EDAR: variants seen among roughly 807,000 people sequenced by gnomAD.
EDAR encodes tumor necrosis factor receptor superfamily member EDAR.
Under a neutral mutation model 51.3 loss-of-function variants are expected in EDAR, and 38 were observed. The observed-to-expected ratio is 0.74, with a 90% CI of 0.57 to 0.97. The LOEUF is 0.97. Among genes scored for constraint, EDAR ranks in the 50% least tolerant of loss-of-function variants. The pLI, the probability that EDAR is intolerant of heterozygous loss-of-function variation, is 0.00. For synonymous variants in EDAR, 227 were observed against 242.1 expected (o/e 0.94, Z 0.58); for missense variants, 528 against 595.0 (o/e 0.89, Z 1.17).
At position 108,896,916 on chromosome 2, in the gene EDAR, A is replaced by G. The variant is rs192939679; in HGVS notation, c.1338T>C (p.Ala446=). The change falls in exon 12 of 12, where the codon GCT becomes GCC. Residue 446 remains alanine (A), a synonymous_variant. Coordinates refer to ENST00000258443, the MANE Select transcript of EDAR (RefSeq NM_022336.4). The part of the protein sequence containing the change: ...GVVPPASQPH[A]AS Reference sequence around the variant, plus strand: ...CCCACAGGCATGCTTTTCAGGATGCAGCATGTGGCTGGGAGGCAGGTGGCA... The same window carrying G: ...CCCACAGGCATGCTTTTCAGGATGCGGCATGTGGCTGGGAGGCAGGTGGCA... 2.5e-6 allele frequency: 4 copies of G among 1,612,040 alleles called. No homozygotes were observed. The highest frequency in any genetic ancestry group is 3.4e-6 in the Non-Finnish European group (4 of 1,179,244).
At chr2:108,938,020 A>T (rs767433128) in intron 1 of EDAR, among the ~76,000 whole-genome samples, 1 of 152,148 alleles carries the variant, frequency 6.6e-6, no homozygotes, top group Non-Finnish European at 1.5e-5. Context: ...ATAATGCATG[A>T]AACACTTATT....
chr2:108,916,840 C>T (rs1697037782), intron 5 of EDAR, among the ~76,000 whole-genome samples: 1 of 152,316 alleles, frequency 6.6e-6, no homozygotes, highest in East Asian at 1.9e-4. Context: ...TTCCAAAGTT[C>T]CCAGGGCCAC....
At position 108,931,030 on chromosome 2, in the gene EDAR, C is replaced by T. The variant is rs760180399; in HGVS notation, c.-16G>A. The T allele has an allele frequency of 1.2e-6, 2 of 1,613,892 alleles. No individual in the cohort carries two copies. The highest frequency in any genetic ancestry group is 1.1e-5 in the South Asian group (1 of 91,092). On this transcript the variant is annotated splice_region_variant and 5_prime_UTR_variant, in exon 2 of 12. Coordinates refer to ENST00000258443, the MANE Select transcript of EDAR (RefSeq NM_022336.4). ...CATGGGCCATCCTCTCCCAAGGGCT[C>T]ACCTGAAAGACATGCGTCATTAGCT...
intron 1 of EDAR, among the ~76,000 whole-genome samples, chr2:108,968,096 A>G (rs1698178621): frequency 6.6e-6 from 1 of 152,152 alleles, no homozygotes; most frequent in African/African-American, 2.4e-5. Context: ...TGAGTGCTGC[A>G]CAGGGATAAT....
chr2:108,923,246 T>C, intron 5 of EDAR, 122 bp downstream of exon 5: 1 of 949,396 alleles, frequency 1.1e-6, no homozygotes, highest in Non-Finnish European at 1.7e-6. Context: ...GCACTTTCAC[T>C]AGTGCTGTTA....
intron 1 of EDAR, among the ~76,000 whole-genome samples, chr2:108,945,516 T>C (rs1697698668): frequency 6.6e-6 from 1 of 152,170 alleles, no homozygotes; most frequent in Admixed American, 6.5e-5. Flanking sequence ...AGCAGAGGGC[T>C]GAACAGGATG....
chr2:108,898,348 G>A (rs372392639), intron 11 of EDAR, among the ~76,000 whole-genome samples: 5 of 152,266 alleles, frequency 3.3e-5, no homozygotes, highest in South Asian at 4.1e-4. Flanking sequence ...ACCCCAAGTA[G>A]CAGTAAAAAG....
intron 1 of EDAR, among the ~76,000 whole-genome samples, chr2:108,939,311 G>A (rs1344637433): frequency 6.6e-6 from 1 of 151,856 alleles, no homozygotes; most frequent in East Asian, 1.9e-4. Context: ...CTCAGCCTCC[G>A]TAGTAGCTGG....
At chr2:108,970,284 C>T (rs1327255973) in intron 1 of EDAR, among the ~76,000 whole-genome samples, 1 of 152,102 alleles carries the variant, frequency 6.6e-6, no homozygotes, top group African/African-American at 2.4e-5. Context: ...CTTTACGACA[C>T]CAGGAGACAT....
intron 1 of EDAR, among the ~76,000 whole-genome samples, chr2:108,982,401 C>T (rs1698435171): frequency 6.6e-6 from 1 of 152,230 alleles, no homozygotes; most frequent in South Asian, 2.1e-4. Flanking sequence ...TTAACTGATG[C>T]CGTGGGAGGC....
At chr2:108,972,449 G>T (rs761943298) in intron 1 of EDAR, among the ~76,000 whole-genome samples, 7 of 152,214 alleles carry the variant, frequency 4.6e-5, no homozygotes, top group African/African-American at 1.7e-4. Context: ...TCATGCCAAC[G>T]TGCCAGACAC....
intron 1 of EDAR, among the ~76,000 whole-genome samples, chr2:108,970,496 G>A (rs1348767457): frequency 6.6e-6 from 1 of 152,156 alleles, no homozygotes; most frequent in Non-Finnish European, 1.5e-5. Context: ...GACACTGAGT[G>A]GAGATGGTCT....
chr2:108,957,042 G>A (rs1029319191), intron 1 of EDAR, among the ~76,000 whole-genome samples: 4 of 152,148 alleles, frequency 2.6e-5, no homozygotes, highest in African/African-American at 9.7e-5. Flanking sequence ...TGCCTGCCTC[G>A]GCCTCCCAAA....
intron 5 of EDAR, among the ~76,000 whole-genome samples, chr2:108,914,382 T>A (rs1696989192): frequency 6.6e-6 from 1 of 152,208 alleles, no homozygotes; most frequent in African/African-American, 2.4e-5. Flanking sequence ...TATTTCTGCC[T>A]AGGATTTTTC....
At chr2:108,910,393 G>T (rs972681463) in intron 9 of EDAR, 67 bp downstream of exon 9, 43 of 1,335,358 alleles carry the variant, frequency 3.2e-5, no homozygotes, top group Middle Eastern at 2.1e-4. Context: ...GCTGCACCCT[G>T]GTTCCCCTCC....
chr2:108,948,413 T>C (rs1467387353), intron 1 of EDAR, among the ~76,000 whole-genome samples: 1 of 152,234 alleles, frequency 6.6e-6, no homozygotes, highest in Non-Finnish European at 1.5e-5. Context: ...AGGTTGTCTT[T>C]ATAGCAGTAC....
intron 1 of EDAR, among the ~76,000 whole-genome samples, chr2:108,987,692 T>C (rs1031296388): frequency 6.6e-6 from 1 of 152,136 alleles, no homozygotes; most frequent in African/African-American, 2.4e-5. Context: ...CACTTAGGGA[T>C]GGGGAGGGGT....
intron 1 of EDAR, among the ~76,000 whole-genome samples, chr2:108,941,622 C>T (rs1035962432): frequency 2.0e-5 from 3 of 152,186 alleles, no homozygotes; most frequent in African/African-American, 7.2e-5. Context: ...AAACGATCTC[C>T]TTGGCCCAGA....
At chr2:108,959,083 T>A (rs1432153076) in intron 1 of EDAR, among the ~76,000 whole-genome samples, 1 of 152,216 alleles carries the variant, frequency 6.6e-6, no homozygotes, top group Non-Finnish European at 1.5e-5. Context: ...AAAACGTGTA[T>A]CAACACCAGT....
Sources: allele counts gnomAD v4.1 joint callset (sites outside exome capture counted in the v4.1 genomes callset), GRCh38; gene constraint gnomAD v4.1.1; transcripts MANE v1.5; gene names NCBI Gene and HGNC (gene_info 2026-07-23, HGNC 2026-07-21).